Variants in ZNF280D observed in about 807,000 individuals in gnomAD.
ZNF280D encodes zinc finger protein 280D.
ZNF280D carries 39 observed loss-of-function variants against 94.7 expected under a neutral mutation model. That is an observed-to-expected ratio of 0.41 (90% confidence interval 0.32 to 0.54). The LOEUF is 0.54. Among genes scored for constraint, ZNF280D ranks in the 20% least tolerant of loss-of-function variants. The probability of loss-of-function intolerance (pLI) is 0.22; values close to 1 mark genes in which losing one functional copy is unlikely to be tolerated. For synonymous variants in ZNF280D, 398 were observed against 377.6 expected, an observed-to-expected ratio of 1.05 and a Z score of -0.63; for missense variants, 1,090 against 1,149.3, an observed-to-expected ratio of 0.95 and a Z score of 0.75.
chr15:56,688,331 A>T (rs1166918979), intron 9 of ZNF280D, among the ~76,000 whole-genome samples: 1 of 151,942 alleles, frequency 6.6e-6, no homozygotes, highest in Non-Finnish European at 1.5e-5. Context: ...TCTCTACTAA[A>T]AATACAAAAA....
intron 4 of ZNF280D, among the ~76,000 whole-genome samples, chr15:56,701,698 A>G (rs1676211033): frequency 6.6e-6 from 1 of 152,160 alleles, no homozygotes; most frequent in African/African-American, 2.4e-5. Flanking sequence ...TCTACACTGC[A>G]TTCACTCGTC....
intron 1 of ZNF280D, among the ~76,000 whole-genome samples, chr15:56,708,977 G>A (rs2057588264): frequency 3.3e-5 from 5 of 152,104 alleles, no homozygotes; most frequent in Admixed American, 3.3e-4. Context: ...AACACCAAAA[G>A]CAACGGCAAC....
chr15:56,719,356 C>A (rs989378468), intron 1 of ZNF280D, among the ~76,000 whole-genome samples: 5 of 100,096 alleles, frequency 5.0e-5, no homozygotes, highest in African/African-American at 8.9e-5. Flanking sequence ...AAACAAAAAA[C>A]CAAAAAAAAA....
At chr15:56,729,902 T>G (rs1348824748) in intron 1 of ZNF280D, 1 of 152,244 alleles carries the variant, frequency 6.6e-6, no homozygotes, top group African/African-American at 2.4e-5. Flanking sequence ...ATATTTGTTG[T>G]AGGAGTGTTA....
Position 56,645,692 on chromosome 15 carries a change from A to G in ZNF280D, c.2214-2695T>C, listed in dbSNP as rs2052849949. On this transcript the variant is annotated intron_variant, in intron 19 of 21. Transcript: ENST00000267807. ...CTCCCAAGTAGCTGGGATTACAGGC[A>G]CATGCCACCATGCCTGGCTAATTTT... Among the ~76,000 whole-genome samples, 3 of 152,238 alleles carry G rather than the reference A, an allele frequency of 2.0e-5. No individual in the cohort carries two copies. In the South Asian group the frequency reaches 6.2e-4, roughly 32 times the overall value.
intron 6 of ZNF280D, among the ~76,000 whole-genome samples, chr15:56,693,877 C>T (rs2056569280): frequency 6.6e-6 from 1 of 152,106 alleles, no homozygotes. Flanking sequence ...ATGGGCCCCA[C>T]ACACTTTCCA....
intron 20 of ZNF280D, among the ~76,000 whole-genome samples, chr15:56,640,113 C>T (rs2052556037): frequency 6.6e-6 from 1 of 151,896 alleles, no homozygotes. Flanking sequence ...AGAAAAATAA[C>T]ATAAGGTACA....
chr15:56,715,795 T>C (rs1407012392), intron 1 of ZNF280D, among the ~76,000 whole-genome samples: 2 of 152,026 alleles, frequency 1.3e-5, no homozygotes, highest in Non-Finnish European at 2.9e-5. Context: ...TGACAGAAGG[T>C]CATTTATTCC....
rs1391504498 is a variant in ZNF280D, at chr15:56,679,773, TGAA to T, written c.1005-955_1005-953del. Among the ~76,000 whole-genome samples, 6 of 152,326 alleles carry T rather than the reference TGAA, an allele frequency of 3.9e-5. No individual in the cohort carries two copies. In the East Asian group the frequency reaches 9.6e-4, roughly 24 times the overall value. ...TCATCAATCTAGATAGCAATCATCA[TGAA>T]GATTATAATATATACCTCTTTTCAC... On this transcript the variant is annotated intron_variant, in intron 10 of 21. Transcript: ENST00000267807.
chr15:56,643,032 TA>T, intron 19 of ZNF280D, 35 bp from the exon 20 acceptor site: 1 of 1,344,372 alleles, frequency 7.4e-7, no homozygotes, highest in Non-Finnish European at 1.0e-6. Flanking sequence ...TATTTTATTT[TA>T]TATGTACGAT....
intron 1 of ZNF280D, among the ~76,000 whole-genome samples, chr15:56,718,852 T>G (rs1201532591): frequency 1.3e-5 from 2 of 152,154 alleles, no homozygotes; most frequent in Non-Finnish European, 2.9e-5. Flanking sequence ...CAAATCAAAT[T>G]ACCTTTTCTT....
At chr15:56,709,739 T>C (rs2057648059) in intron 1 of ZNF280D, among the ~76,000 whole-genome samples, 1 of 152,084 alleles carries the variant, frequency 6.6e-6, no homozygotes, top group South Asian at 2.1e-4. Context: ...TCCATCATTC[T>C]CAGCAAACTA....
Position 56,631,919 on chromosome 15 carries a change from T to G in ZNF280D, c.2519A>C (p.Lys840Thr), listed in dbSNP as rs780791005. 7 of 1,613,768 alleles carry G rather than the reference T, an allele frequency of 4.3e-6. No individual in the cohort carries two copies. Among genetic ancestry groups the G allele is most frequent in the Non-Finnish European group, 5.9e-6 (7 of 1,180,018 alleles). Residue 840 changes from lysine (K) to threonine (T), a missense_variant, in exon 22 of 22, where the codon AAA becomes ACA. Lys to Thr is a moderately conservative substitution (Grantham distance 78). Around this residue, in one of 3 missense-constraint regions of ZNF280D, gnomAD observed 577 missense variants for 568.8 expected, o/e 1.01. Transcript: ENST00000267807. ...NIGADKVEKK[K>T]QIQHVCQEME... ...TTCCTGACAAACGTGTTGTATTTGT[T>G]TTTTCTTTTCCACTTTATCTGCACC... is the stretch of plus-strand genomic sequence containing the variant.
At chr15:56,723,270 G>T (rs966393710) in intron 1 of ZNF280D, among the ~76,000 whole-genome samples, 1 of 151,950 alleles carries the variant, frequency 6.6e-6, no homozygotes, top group Non-Finnish European at 1.5e-5. Context: ...TGAAAAAAAT[G>T]TGGTGTATCA....
intron 3 of ZNF280D, 28 bp from the exon 4 acceptor site, chr15:56,704,295 C>A: frequency 6.3e-7 from 1 of 1,575,328 alleles, no homozygotes; most frequent in South Asian, 1.2e-5. Flanking sequence ...AGAAGTAAAC[C>A]TCATTTTTGA....
intron 16 of ZNF280D, among the ~76,000 whole-genome samples, chr15:56,662,324 T>C (rs527458366): frequency 4.6e-5 from 7 of 152,306 alleles, no homozygotes; most frequent in Non-Finnish European, 8.8e-5. Flanking sequence ...CATTTAATGA[T>C]GCTTTTCTTT....
chr15:56,728,180 C>T (rs1376455090), intron 1 of ZNF280D, among the ~76,000 whole-genome samples: 2 of 152,150 alleles, frequency 1.3e-5, no homozygotes, highest in Admixed American at 6.5e-5. Context: ...CATGCCACTA[C>T]ACCCGGCTAA....
intron 1 of ZNF280D, among the ~76,000 whole-genome samples, chr15:56,725,841 C>T (rs1466778415): frequency 1.3e-5 from 2 of 151,716 alleles, no homozygotes; most frequent in Non-Finnish European, 2.9e-5. Flanking sequence ...AAGTATTTAT[C>T]GAACATTAAT....
chr15:56,686,701 C>T (rs1187555940), intron 9 of ZNF280D, among the ~76,000 whole-genome samples: 1 of 152,068 alleles, frequency 6.6e-6, no homozygotes, highest in African/African-American at 2.4e-5. Flanking sequence ...TTTCAATCTT[C>T]CACATAATAT....
Sources: allele counts gnomAD v4.1 joint callset (sites outside exome capture counted in the v4.1 genomes callset), GRCh38; gene constraint gnomAD v4.1.1; regional missense constraint gnomAD v4.1.1; transcripts MANE v1.5; gene names NCBI Gene and HGNC (gene_info 2026-07-23, HGNC 2026-07-21).